Variants in NR3C1 observed in about 807,000 individuals in gnomAD.
NR3C1 encodes nuclear receptor subfamily 3 group C member 1.
In NR3C1, 14 loss-of-function variants were observed where a neutral mutation model predicts 74.0. The observed-to-expected ratio is 0.19, with a 90% confidence interval of 0.12 to 0.30. The LOEUF is 0.30. Ranked by LOEUF, NR3C1 falls within the 10% of genes least tolerant of loss-of-function variation. The pLI, the probability that NR3C1 is intolerant of heterozygous loss-of-function variation, is 1.00. For synonymous variants in NR3C1, 308 were observed against 332.5 expected (o/e 0.93, Z 0.80); for missense variants, 695 against 909.8 (o/e 0.76, Z 3.04).
In NR3C1 at chr5:143,327,408, C is replaced by T. The variant is rs149013561; in HGVS notation, c.1185-13240G>A. Among the ~76,000 whole-genome samples the T allele has an allele frequency of 4.4e-4, 67 of 152,236 alleles. 1 individual carries two copies. The highest frequency in any genetic ancestry group is 8.1e-4 in the Non-Finnish European group (55 of 68,006). ...TTTGGGTGGGGACACAGAGCCAAAC[C>T]ATATTATTTTGCACTTGCTCCCTCT... On this transcript the variant is annotated intron_variant, in intron 2 of 8. Coordinates refer to ENST00000394464, the MANE Select transcript of NR3C1 (RefSeq NM_000176.3).
intron 2 of NR3C1, among the ~76,000 whole-genome samples, chr5:143,335,650 T>C (rs1057098214): frequency 1.3e-5 from 2 of 152,250 alleles, no homozygotes; most frequent in Non-Finnish European, 1.5e-5. Context: ...TGCACCTTGC[T>C]TTTTATGTGT....
intron 1 of NR3C1, among the ~76,000 whole-genome samples, chr5:143,402,352 T>C (rs753173114): frequency 7.9e-5 from 12 of 152,192 alleles, no homozygotes; most frequent in Non-Finnish European, 1.8e-4. Context: ...TTGGCCCTAA[T>C]GAACCATGCC....
chr5:143,315,422 CT>C (rs1821865515), intron 2 of NR3C1, among the ~76,000 whole-genome samples: 1 of 152,064 alleles, frequency 6.6e-6, no homozygotes. Flanking sequence ...TGCTGGCAAC[CT>C]GTTGATTCTG....
intron 1 of NR3C1, among the ~76,000 whole-genome samples, chr5:143,422,810 A>G (rs1375813935): frequency 5.3e-5 from 8 of 152,208 alleles, no homozygotes; most frequent in Admixed American, 5.2e-4. Context: ...AACTGAAAGT[A>G]AGAGTGCTTA....
At position 143,281,739 on chromosome 5, in the gene NR3C1, T is replaced by C; in HGVS notation, c.*150A>G. The C allele has an allele frequency of 1.2e-6, 1 of 801,802 alleles. No individual in the cohort carries two copies. The highest frequency in any genetic ancestry group is 1.7e-5 in the African/African-American group (1 of 57,818). 49.7% of individuals were successfully genotyped at this position (801,802 alleles called of 1,614,324 possible). A position where few individuals can be genotyped will look rare whatever the true frequency, so the allele number is the denominator to read the frequency against. The stretch of plus-strand genomic sequence containing the variant: ...TCTGTTGCCAAGTCTTGGCCCTCTA[T>C]AAACCACATGTAGTGCGTATTTAAA... On this transcript the variant is annotated 3_prime_UTR_variant, in exon 9 of 9. Transcript: ENST00000394464.
intron 2 of NR3C1, among the ~76,000 whole-genome samples, chr5:143,368,534 TACACACACACACACAC>T (rs201482184): frequency 2.1e-5 from 3 of 144,960 alleles, no homozygotes; most frequent in Non-Finnish European, 4.5e-5. Context: ...ATATTCTAGA[TACACACACACACACAC>T]ACACACACAC....
chr5:143,358,335 G>A (rs1439300354), intron 2 of NR3C1, among the ~76,000 whole-genome samples: 1 of 152,190 alleles, frequency 6.6e-6, no homozygotes, highest in Admixed American at 6.5e-5. Flanking sequence ...TTTTCCACAG[G>A]AGTAACGTAT....
At chr5:143,391,620 T>A (rs1198792755) in intron 2 of NR3C1, among the ~76,000 whole-genome samples, 1 of 152,154 alleles carries the variant, frequency 6.6e-6, no homozygotes, top group Non-Finnish European at 1.5e-5. Context: ...GGCTATTATG[T>A]AGATGGCATA....
At chr5:143,408,790 A>C (rs1412248218) in intron 1 of NR3C1, among the ~76,000 whole-genome samples, 1 of 152,134 alleles carries the variant, frequency 6.6e-6, no homozygotes. Context: ...TCAGATTTTC[A>C]AGTTAGGGAT....
chr5:143,404,469 C>T, upstream of NR3C1: 1 of 985,208 alleles, frequency 1.0e-6, no homozygotes, highest in Non-Finnish European at 1.2e-6. Context: ...CGCTCTCGCA[C>T]TGGGAGAGAA....
rs538918301 is a variant in NR3C1, at chr5:143,293,340, G to A, written c.2023+2120C>T. The stretch of plus-strand genomic sequence containing the variant: ...GGGAGCTAAACTATGAAGATGCAAA[G>A]GCATGAGAATGATATTATGGACTTT... On this transcript the variant is annotated intron_variant, in intron 7 of 8. Coordinates refer to ENST00000394464, the MANE Select transcript of NR3C1 (RefSeq NM_000176.3). 3.9e-5 allele frequency among the ~76,000 whole-genome samples: 6 copies of A among 152,240 alleles called. No individual in the cohort carries two copies. In the East Asian group the frequency reaches 9.6e-4, roughly 24 times the overall value.
chr5:143,282,829 G>A, intron 7 of NR3C1, 104 bp from the exon 8 acceptor site: 1 of 1,264,030 alleles, frequency 7.9e-7, no homozygotes, highest in Non-Finnish European at 1.1e-6. Flanking sequence ...ATCCAGGCTG[G>A]AGTGCAGTGG....
chr5:143,413,375 A>G (rs1457153492), intron 1 of NR3C1, among the ~76,000 whole-genome samples: 1 of 152,054 alleles, frequency 6.6e-6, no homozygotes, highest in African/African-American at 2.4e-5. Context: ...AAGCTTGTAG[A>G]CAACATTCAT....
At chr5:143,287,684 A>G (rs1444489484) in intron 7 of NR3C1, among the ~76,000 whole-genome samples, 1 of 152,198 alleles carries the variant, frequency 6.6e-6, no homozygotes, top group Admixed American at 6.5e-5. Context: ...GCAAAGCCAG[A>G]AAAAGATATC....
At position 143,400,154 on chromosome 5, in the gene NR3C1, G is replaced by C. The variant is rs753539059; in HGVS notation, c.686C>G (p.Ala229Gly). The C allele has an allele frequency of 2.5e-6, 4 of 1,614,108 alleles. No individual in the cohort carries two copies. The highest frequency in any genetic ancestry group is 3.4e-6 in the Non-Finnish European group (4 of 1,180,006). Residue 229 changes from alanine (A) to glycine (G), a missense_variant, in exon 2 of 9, where the codon GCG (alanine) becomes GGG (glycine). Coordinates refer to ENST00000394464, the MANE Select transcript of NR3C1 (RefSeq NM_000176.3). ...CAAAAGGAATGAATCGTCTTCTCCCGCCAGAGGAGAAAGCAAACAGTTTTC... is the reference window on the plus strand; with the variant it reads ...CAAAAGGAATGAATCGTCTTCTCCCCCCAGAGGAGAAAGCAAACAGTTTTC... ...IDENCLLSPL[A>G]GEDDSFLLEG...
chr5:143,434,200 A>G (rs892702170), intron 1 of NR3C1, among the ~76,000 whole-genome samples: 1 of 152,162 alleles, frequency 6.6e-6, no homozygotes, highest in Non-Finnish European at 1.5e-5. Context: ...CACATTATAT[A>G]TATTTTAAAA....
chr5:143,300,639 G>A lies in NR3C1; in HGVS notation c.1593C>T (p.Thr531=), dbSNP rs1334027697. The change falls in exon 5 of 9, where the codon ACC becomes ACT. Residue 531 remains threonine (T), a synonymous_variant. Coordinates refer to ENST00000394464, the MANE Select transcript of NR3C1 (RefSeq NM_000176.3). The surrounding 1 kb of genome is among the most constrained non-coding windows in gnomAD (Gnocchi z 5.2). ...CAATAACCTCCAACAGTGACACCAG[G>A]GTAGGGGTGAGTTGTGGTAACGTTG... The part of the protein sequence containing the change: ...VPATLPQLTP[T]LVSLLEVIEP... The A allele has an allele frequency of 1.9e-6, 3 of 1,614,160 alleles. No individual in the cohort carries two copies. Among genetic ancestry groups the A allele is most frequent in the South Asian group, 2.2e-5 (2 of 91,084 alleles).
rs148820383 is a variant in NR3C1 at position 143,279,859 on chromosome 5, T to C, written c.*2030A>G. ...GTGAAAGTAACCCGCTATTAGATGGTGCCTTTAAGGATGTAAGCACCACCT... is the reference window on the plus strand; with the variant it reads ...GTGAAAGTAACCCGCTATTAGATGGCGCCTTTAAGGATGTAAGCACCACCT... On this transcript the variant is annotated 3_prime_UTR_variant, in exon 9 of 9. Coordinates refer to ENST00000394464, the MANE Select transcript of NR3C1 (RefSeq NM_000176.3). The C allele has an allele frequency of 1.3e-5, 2 of 158,674 alleles. No individual in the cohort carries two copies. The highest frequency in any genetic ancestry group is 4.8e-5 in the African/African-American group (2 of 41,580). 9.8% of individuals were successfully genotyped at this position (158,674 alleles called of 1,614,324 possible).
intron 2 of NR3C1, among the ~76,000 whole-genome samples, chr5:143,375,416 C>G (rs1337589832): frequency 6.6e-6 from 1 of 152,080 alleles, no homozygotes; most frequent in Admixed American, 6.5e-5. Flanking sequence ...ACAAAAGAGT[C>G]AAAATTCTTT....
Sources: allele counts gnomAD v4.1 joint callset (sites outside exome capture counted in the v4.1 genomes callset), GRCh38; gene constraint gnomAD v4.1.1; non-coding constraint Gnocchi (gnomAD v3.1); transcripts MANE v1.5; gene names NCBI Gene and HGNC (gene_info 2026-07-23, HGNC 2026-07-21).